PRSS23: variants seen among roughly 807,000 people sequenced by gnomAD.
PRSS23 encodes protease, serine 23.
In PRSS23, 25 loss-of-function variants were observed where a neutral mutation model predicts 34.7. The ratio of observed to expected loss-of-function variants is 0.72; its 90% CI spans 0.53 to 1.01. The LOEUF (loss-of-function observed/expected upper bound fraction) is 1.01. Ranked by LOEUF, PRSS23 falls within the 50% of genes least tolerant of loss-of-function variation. The pLI is 0.00. For synonymous variants in PRSS23, 176 were observed against 186.6 expected, an observed-to-expected ratio of 0.94 and a Z score of 0.46; for missense variants, 445 against 475.6, an observed-to-expected ratio of 0.94 and a Z score of 0.60.
At chr11:86,902,655 A>C (rs75371101) in intron 2 of PRSS23, among the ~76,000 whole-genome samples, 1 of 152,142 alleles carries the variant, frequency 6.6e-6, no homozygotes, top group African/African-American at 2.4e-5. Context: ...TGATGCTACT[A>C]CCTATGTTTT....
intron 2 of PRSS23, among the ~76,000 whole-genome samples, chr11:86,868,336 T>G (rs1948664146): frequency 6.6e-6 from 1 of 152,202 alleles, no homozygotes; most frequent in Non-Finnish European, 1.5e-5. Context: ...CCATGTGGTA[T>G]GCTGGCTGAA....
intron 2 of PRSS23, among the ~76,000 whole-genome samples, chr11:86,873,503 G>A (rs1040149403): frequency 1.3e-4 from 19 of 151,492 alleles, no homozygotes; most frequent in Admixed American, 3.3e-4. Context: ...GGCTGGTCTC[G>A]AACTCCTGAA....
chr11:86,905,381 C>T (rs1419219377), intron 2 of PRSS23, among the ~76,000 whole-genome samples: 5 of 152,172 alleles, frequency 3.3e-5, no homozygotes, highest in African/African-American at 9.7e-5. Flanking sequence ...ACCATTCAAA[C>T]GTATGGTGCT....
At chr11:86,840,257 T>G (rs1010749027) in intron 2 of PRSS23, among the ~76,000 whole-genome samples, 13 of 152,024 alleles carry the variant, frequency 8.6e-5, no homozygotes, top group East Asian at 5.8e-4. Flanking sequence ...TGGAGGAAGA[T>G]CTACCAAGCA....
At chr11:86,792,477 C>T (rs2135588020) in intron 1 of PRSS23, among the ~76,000 whole-genome samples, 1 of 152,280 alleles carries the variant, frequency 6.6e-6, no homozygotes, top group South Asian at 2.1e-4. Flanking sequence ...CATAAGTAGC[C>T]ACTTCATTAA....
chr11:86,791,305 C>T (rs1947950949), intron 1 of PRSS23: 1 of 152,298 alleles, frequency 6.6e-6, no homozygotes, highest in South Asian at 2.1e-4. Flanking sequence ...TTGTGGCATT[C>T]TGCAGGGCTT....
At chr11:86,902,912 T>C (rs956889077) in intron 2 of PRSS23, among the ~76,000 whole-genome samples, 1 of 152,142 alleles carries the variant, frequency 6.6e-6, no homozygotes, top group Non-Finnish European at 1.5e-5. Flanking sequence ...AGTCTACCAC[T>C]AAGTAGCATG....
Position 86,808,853 on chromosome 11 carries a change from C to T in PRSS23, c.*58C>T, listed in dbSNP as rs1948142425. ...CTTCATGTTCTTATTTTAGGAGAGG[C>T]CAAATTGTTTTTTGTCATTGGCGTG... On this transcript the variant is annotated 3_prime_UTR_variant, in exon 2 of 2. Coordinates refer to ENST00000280258, the MANE Select transcript of PRSS23 (RefSeq NM_007173.6). 2 of 1,470,106 alleles carry T rather than the reference C, an allele frequency of 1.4e-6. No individual in the cohort carries two copies. Among genetic ancestry groups the T allele is most frequent in the South Asian group, 2.6e-5 (2 of 75,834 alleles). The allele number at this position is 1,470,106 out of a possible 1,614,324, so 91.1% of individuals were successfully genotyped here. A position where few individuals can be genotyped will look rare whatever the true frequency, so the allele number is the denominator to read the frequency against.
At chr11:86,921,407 A>G (rs762155810) in intron 2 of PRSS23, 4 of 152,254 alleles carry the variant, frequency 2.6e-5, no homozygotes, top group African/African-American at 7.2e-5. Context: ...TGAATGAAAT[A>G]TAAGTAAATA....
chr11:86,938,388 G>C (rs1008853747), intron 2 of PRSS23, among the ~76,000 whole-genome samples: 1 of 152,142 alleles, frequency 6.6e-6, no homozygotes, highest in Non-Finnish European at 1.5e-5. Context: ...AAGAAGAAGA[G>C]GAAACACTTA....
chr11:86,880,728 G>A lies in PRSS23; in HGVS notation c.206+57135G>A, dbSNP rs150152845. 2.2e-3 allele frequency among the ~76,000 whole-genome samples: 331 copies of A among 152,254 alleles called. 1 individual carries two copies. The highest frequency in any genetic ancestry group is 7.6e-3 in the African/African-American group (316 of 41,548). The stretch of plus-strand genomic sequence containing the variant: ...TTCTCATTGTTCAACTCCCACTTAT[G>A]AGTGAGAACATGCAGCATTTGGTTT... On this transcript the variant is annotated intron_variant, in intron 2 of 2. Transcript: ENST00000533902.
intron 2 of PRSS23, among the ~76,000 whole-genome samples, chr11:86,832,000 A>C (rs1948360782): frequency 6.6e-6 from 1 of 151,522 alleles, no homozygotes; most frequent in African/African-American, 2.4e-5. Flanking sequence ...AATGTTCGAG[A>C]TGGTGTAACT....
At chr11:86,830,259 A>G (rs1948341855) in intron 2 of PRSS23, among the ~76,000 whole-genome samples, 5 of 152,156 alleles carry the variant, frequency 3.3e-5, no homozygotes, top group African/African-American at 1.2e-4. Flanking sequence ...TGTGCTAGCA[A>G]TCAGCGAGAC....
At chr11:86,952,901 TA>T (rs200014931) in exon 3 of PRSS23, 117 of 158,936 alleles carry the variant, frequency 7.4e-4, no homozygotes, top group African/African-American at 2.1e-3. Flanking sequence ...AAATAAAAGT[TA>T]AAAAAAAATG....
At position 86,952,245 on chromosome 11, in the gene PRSS23, G is replaced by A. The variant is rs1486995782; in HGVS notation, c.*960G>A. The A allele has an allele frequency of 1.9e-6, 3 of 1,614,094 alleles. No individual in the cohort carries two copies. Among genetic ancestry groups the A allele is most frequent in the Admixed American group, 1.7e-5 (1 of 60,006 alleles). On this transcript the variant is annotated 3_prime_UTR_variant, in exon 3 of 3. Transcript: ENST00000533902. ...TCCCCAGGCTGGATGGGGGTTTTGT[G>A]AGGTAAGGGCACCTCTTCATCACCT...
At chr11:86,846,303 C>A (rs1565364423) in intron 2 of PRSS23, among the ~76,000 whole-genome samples, 1 of 152,080 alleles carries the variant, frequency 6.6e-6, no homozygotes, top group African/African-American at 2.4e-5. Context: ...TACAATCAGA[C>A]CTCTTTTGCT....
At chr11:86,857,599 C>T (rs950268314) in intron 2 of PRSS23, 4 of 507,670 alleles carry the variant, frequency 7.9e-6, no homozygotes, top group Non-Finnish European at 1.6e-5. Context: ...GGTGAGGATT[C>T]ATGATGACTC....
chr11:86,791,916 T>G (rs1947954372), intron 1 of PRSS23, among the ~76,000 whole-genome samples: 1 of 152,240 alleles, frequency 6.6e-6, no homozygotes, highest in Non-Finnish European at 1.5e-5. Flanking sequence ...TTCACAGGGT[T>G]CTTATGACTA....
intron 2 of PRSS23, among the ~76,000 whole-genome samples, chr11:86,858,655 G>T (rs1015812930): frequency 6.6e-6 from 1 of 151,054 alleles, no homozygotes; most frequent in Non-Finnish European, 1.5e-5. Flanking sequence ...ACACACCCCT[G>T]TGATGGTGTT....
Sources: allele counts gnomAD v4.1 joint callset (sites outside exome capture counted in the v4.1 genomes callset), GRCh38; gene constraint gnomAD v4.1.1; transcripts MANE v1.5; gene names NCBI Gene and HGNC (gene_info 2026-07-23, HGNC 2026-07-21).